Variants in COP1 observed in about 807,000 individuals in gnomAD.
COP1 encodes E3 ubiquitin-protein ligase COP1.
Under a neutral mutation model 101.3 loss-of-function variants are expected in COP1, and 24 were observed. That is an observed-to-expected ratio of 0.24 (90% CI 0.17 to 0.33). The LOEUF (loss-of-function observed/expected upper bound fraction) is 0.33. Ranked by LOEUF, COP1 falls within the 10% of genes least tolerant of loss-of-function variation. The pLI is 1.00. For missense variants in COP1, 663 were observed against 906.2 expected (o/e 0.73, Z 3.45); for synonymous variants, 347 against 341.9 (o/e 1.01, Z -0.17).
At chr1:176,012,680 T>A (rs553895106) in intron 15 of COP1, among the ~76,000 whole-genome samples, 11 of 152,262 alleles carry the variant, frequency 7.2e-5, no homozygotes, top group Non-Finnish European at 4.4e-5. Context: ...ATTTTTTTTT[T>A]AACCTTATAT....
intron 14 of COP1, among the ~76,000 whole-genome samples, chr1:176,039,431 G>GA (rs953645615): frequency 3.0e-4 from 44 of 145,418 alleles, no homozygotes; most frequent in Admixed American, 1.4e-3. Context: ...AGTAAGCAGG[G>GA]AAAAAAAAAA....
chr1:176,127,356 A>T (rs1029458625), intron 8 of COP1, among the ~76,000 whole-genome samples: 12 of 151,990 alleles, frequency 7.9e-5, no homozygotes, highest in African/African-American at 2.9e-4. Flanking sequence ...CCCTCTCCCC[A>T]TCCACCTCTA....
chr1:175,986,095 C>G (rs1657042818), intron 18 of COP1, among the ~76,000 whole-genome samples: 2 of 152,164 alleles, frequency 1.3e-5, no homozygotes, highest in Admixed American at 6.5e-5. Flanking sequence ...TCTTGGCTCA[C>G]TGCAAGCTCT....
At chr1:176,189,476 AT>A (rs1224883622) in intron 1 of COP1, among the ~76,000 whole-genome samples, 23 of 152,036 alleles carry the variant, frequency 1.5e-4, no homozygotes, top group Non-Finnish European at 8.8e-5. Flanking sequence ...TCAACTCAGA[AT>A]TTTATACTCA....
At chr1:176,202,338 A>G (rs200877780) in intron 1 of COP1, among the ~76,000 whole-genome samples, 31 of 151,952 alleles carry the variant, frequency 2.0e-4, no homozygotes, top group African/African-American at 7.2e-4. Context: ...TACAGGCACA[A>G]GCCACCACAC....
At chr1:176,151,799 T>C (rs989962010) in intron 5 of COP1, among the ~76,000 whole-genome samples, 4 of 152,180 alleles carry the variant, frequency 2.6e-5, no homozygotes, top group African/African-American at 4.8e-5. Context: ...TGGTCATAAC[T>C]ATGTAAATAA....
At chr1:176,063,306 C>T (rs576147440) in intron 11 of COP1, among the ~76,000 whole-genome samples, 16 of 151,522 alleles carry the variant, frequency 1.1e-4, no homozygotes, top group African/African-American at 3.9e-4. Flanking sequence ...ATGATCCACC[C>T]GCCTCGGCCT....
chr1:176,034,633 A>G (rs1169764895), intron 14 of COP1, among the ~76,000 whole-genome samples: 3 of 152,188 alleles, frequency 2.0e-5, no homozygotes, highest in South Asian at 4.1e-4. Context: ...AGAAACCTGG[A>G]AAGAAAGTAA....
At chr1:175,949,237 A>G (rs1649580420) in intron 18 of COP1, among the ~76,000 whole-genome samples, 2 of 124,108 alleles carry the variant, frequency 1.6e-5, no homozygotes, top group Admixed American at 1.9e-4. Flanking sequence ...TAACTTTGGA[A>G]TATTATGGGC....
intron 15 of COP1, among the ~76,000 whole-genome samples, chr1:176,026,878 G>A (rs922838986): frequency 8.0e-4 from 122 of 151,982 alleles, no homozygotes; most frequent in African/African-American, 2.9e-3. Flanking sequence ...AAATATGAAA[G>A]ATAAAAAAAT....
intron 1 of COP1, among the ~76,000 whole-genome samples, chr1:176,187,841 G>A (rs1046869049): frequency 9.2e-5 from 14 of 152,220 alleles, no homozygotes; most frequent in Non-Finnish European, 1.6e-4. Context: ...TAGGACTGGT[G>A]CTATGGTCTG....
Position 175,986,948 on chromosome 1 carries a change from C to G in COP1, c.2128G>C (p.Asp710His), listed in dbSNP as rs751253552. The G allele has an allele frequency of 6.3e-7, 1 of 1,590,018 alleles. No individual in the cohort carries two copies. The highest frequency in any genetic ancestry group is 8.5e-7 in the Non-Finnish European group (1 of 1,172,326). Residue 710 changes from aspartate (D) to histidine (H), a missense_variant, in exon 18 of 20, where the codon GAT becomes CAT. Asp to His is a moderately conservative substitution (Grantham distance 81). Around this residue, in one of 4 missense-constraint regions of COP1, gnomAD observed 209 missense variants for 383.3 expected, o/e 0.55. Transcript: ENST00000367669. ...VSAVCWRALP[D>H]GESNVLIAAN... ...AAACTGATATGAAAACTTACCCCAT[C>G]TGGTAGTGCCCTCCAGCACACAGCA... is the stretch of plus-strand genomic sequence containing the variant.
At chr1:176,144,429 T>C (rs1049765451) in intron 6 of COP1, among the ~76,000 whole-genome samples, 1 of 152,144 alleles carries the variant, frequency 6.6e-6, no homozygotes, top group Non-Finnish European at 1.5e-5. Context: ...TTAAGGCTAT[T>C]TTAAAGATCT....
Position 175,963,403 on chromosome 1 carries a change from T to C in COP1, c.2134-16164A>G, listed in dbSNP as rs560901202. Among the ~76,000 whole-genome samples, 4 of 152,280 alleles carry C rather than the reference T, an allele frequency of 2.6e-5. No individual in the cohort carries two copies. In the East Asian group the frequency reaches 7.7e-4, roughly 29 times the overall value. ...ACTTTCCCTCATCTGCGCCTTTGTT[T>C]ACACTGTTCTCTAGCTTTCTGCAGT... On this transcript the variant is annotated intron_variant, in intron 18 of 19. Transcript: ENST00000367669.
chr1:176,051,042 A>G (rs1672463960), intron 11 of COP1, among the ~76,000 whole-genome samples: 1 of 152,202 alleles, frequency 6.6e-6, no homozygotes, highest in South Asian at 2.1e-4. Context: ...CTGTGCAACA[A>G]TTTAAACACA....
chr1:176,206,802 G>A lies in COP1; in HGVS notation c.177C>T (p.Gly59=), dbSNP rs577995321. Residue 59 remains glycine (G), a synonymous_variant, in exon 1 of 20, where the codon GGC becomes GGT. Coordinates refer to ENST00000367669, the MANE Select transcript of COP1 (RefSeq NM_022457.7). ...SGGVAQAAGS[G]GLGGPVRPVL... is the part of the protein sequence containing the mutation. ...CAGGCCGCACCGGGCCCCCGAGGCC[G>A]CCCGAGCCGGCGGCCTGGGCCACCC... The A allele has an allele frequency of 8.0e-6, 11 of 1,382,096 alleles. No individual in the cohort carries two copies. The East Asian group carries it at 3.1e-4, about 38-fold the overall frequency. 85.6% of individuals were successfully genotyped at this position (1,382,096 alleles called of 1,614,324 possible). A position where few individuals can be genotyped will look rare whatever the true frequency, so the allele number is the denominator to read the frequency against.
intron 8 of COP1, among the ~76,000 whole-genome samples, chr1:176,130,730 T>C (rs1688744492): frequency 6.6e-6 from 1 of 151,750 alleles, no homozygotes; most frequent in Non-Finnish European, 1.5e-5. Flanking sequence ...CTCAAAACCT[T>C]GTATTTAAGT....
At chr1:176,057,330 C>CCT (rs1274215039) in intron 11 of COP1, among the ~76,000 whole-genome samples, 1 of 152,086 alleles carries the variant, frequency 6.6e-6, no homozygotes, top group East Asian at 1.9e-4. Flanking sequence ...TCTCCCTCTC[C>CCT]CTCTCCCCAC....
chr1:176,156,281 A>G (rs1301121005), intron 5 of COP1, among the ~76,000 whole-genome samples: 1 of 152,080 alleles, frequency 6.6e-6, no homozygotes, highest in Non-Finnish European at 1.5e-5. Flanking sequence ...AGAAAACACT[A>G]AAATTACAAT....
Sources: gnomAD v4.1 joint callset for allele counts (sites outside exome capture counted in the v4.1 genomes callset) on GRCh38, gnomAD v4.1.1 for gene constraint, gnomAD v4.1.1 regional missense constraint, MANE v1.5 for transcripts, NCBI Gene and HGNC (gene_info 2026-07-23, HGNC 2026-07-21) for gene names.